TBXAS1: variants seen among roughly 807,000 people sequenced by gnomAD.
TBXAS1 encodes thromboxane-A synthase.
In TBXAS1, 48 loss-of-function variants were observed where a neutral mutation model predicts 60.7. The ratio of observed to expected loss-of-function variants is 0.79; its 90% CI spans 0.63 to 1.01. The LOEUF is 1.01. Ranked by LOEUF, TBXAS1 falls within the 50% of genes least tolerant of loss-of-function variation. The pLI is 0.00. For synonymous variants in TBXAS1, 287 were observed against 269.7 expected, an observed-to-expected ratio of 1.06 and a Z score of -0.63; for missense variants, 685 against 686.3, an observed-to-expected ratio of 1.00 and a Z score of 0.02.
At chr7:139,854,600 A>G (rs901749696) in intron 1 of TBXAS1, among the ~76,000 whole-genome samples, 2 of 152,196 alleles carry the variant, frequency 1.3e-5, no homozygotes, top group Admixed American at 1.3e-4. Flanking sequence ...GACCTGATAT[A>G]GGGCAGTGCC....
At chr7:139,789,041 T>A (rs1167257088) in intron 4 of TBXAS1, among the ~76,000 whole-genome samples, 2 of 152,174 alleles carry the variant, frequency 1.3e-5, no homozygotes. Flanking sequence ...TAACCCTTTC[T>A]CCAATTCTGT....
chr7:139,848,725 C>A (rs1023009499), intron 1 of TBXAS1, among the ~76,000 whole-genome samples: 2 of 152,176 alleles, frequency 1.3e-5, no homozygotes, highest in African/African-American at 4.8e-5. Context: ...ATAATTTCTG[C>A]CCACATTCTA....
rs890681890 is a variant in TBXAS1 at position 140,004,039 on chromosome 7, T to C, written c.1135-3052T>C. ...TTTCTTGAGGCCAACTGCTGTTTTC[T>C]GCTCATTAATCCACAAGGCCGAATG... On this transcript the variant is annotated intron_variant, in intron 9 of 12. Transcript: ENST00000448866. The surrounding 1 kb of genome is among the most constrained non-coding windows in gnomAD (Gnocchi z 5.1). 6.6e-6 allele frequency among the ~76,000 whole-genome samples: 1 copy of C among 152,244 alleles called. No individual in the cohort carries two copies. The highest frequency in any genetic ancestry group is 1.5e-5 in the Non-Finnish European group (1 of 68,040).
At chr7:139,903,385 G>C (rs1030043836) in intron 3 of TBXAS1, among the ~76,000 whole-genome samples, 4 of 152,076 alleles carry the variant, frequency 2.6e-5, no homozygotes, top group African/African-American at 9.7e-5. Flanking sequence ...TTGCAATCGT[G>C]AGTTGTGCTG....
At chr7:139,938,145 C>A (rs573267973) in intron 5 of TBXAS1, among the ~76,000 whole-genome samples, 1 of 152,120 alleles carries the variant, frequency 6.6e-6, no homozygotes, top group African/African-American at 2.4e-5. Flanking sequence ...CAGATGCCAT[C>A]GGGGCTGGCC....
At chr7:139,799,222 T>C (rs958561248) in intron 4 of TBXAS1, among the ~76,000 whole-genome samples, 2 of 141,912 alleles carry the variant, frequency 1.4e-5, no homozygotes, top group Non-Finnish European at 3.0e-5. Flanking sequence ...GTGCACGCCA[T>C]CAAGCCCAGC....
intron 3 of TBXAS1, among the ~76,000 whole-genome samples, chr7:139,906,699 G>A (rs1040365147): frequency 2.6e-5 from 4 of 152,146 alleles, no homozygotes; most frequent in African/African-American, 9.7e-5. Flanking sequence ...AAACTGATAT[G>A]CCAGTTTTGG....
intron 1 of TBXAS1, 106 bp downstream of exon 1, chr7:139,829,585 A>G (rs1276528213): frequency 1.9e-6 from 2 of 1,052,162 alleles, no homozygotes; most frequent in Non-Finnish European, 2.9e-6. Context: ...CTTCTTTTCT[A>G]ATCTAGCGGG....
intron 9 of TBXAS1, among the ~76,000 whole-genome samples, chr7:139,985,046 C>G (rs1033599314): frequency 1.3e-5 from 2 of 152,220 alleles, no homozygotes; most frequent in African/African-American, 4.8e-5. Context: ...CTCAAATGCC[C>G]TCCCCAGGAT....
At chr7:140,003,910 G>A (rs892219646) in intron 9 of TBXAS1, among the ~76,000 whole-genome samples, 2 of 152,206 alleles carry the variant, frequency 1.3e-5, no homozygotes, top group Non-Finnish European at 2.9e-5. Flanking sequence ...AGGGTTACCT[G>A]CCAGGAGCAG....
intron 9 of TBXAS1, among the ~76,000 whole-genome samples, chr7:139,996,553 G>A (rs956529138): frequency 6.6e-6 from 1 of 152,230 alleles, no homozygotes; most frequent in South Asian, 2.1e-4. Flanking sequence ...CCTTCCCCTG[G>A]AAGATGCTGC....
intron 1 of TBXAS1, among the ~76,000 whole-genome samples, chr7:139,832,328 G>C (rs1225456717): frequency 2.0e-5 from 3 of 152,002 alleles, no homozygotes; most frequent in Non-Finnish European, 4.4e-5. Context: ...GCTCTGGAAA[G>C]TCTCAGCAAT....
At chr7:139,972,919 C>A (rs537754923) in intron 9 of TBXAS1, among the ~76,000 whole-genome samples, 137 of 152,082 alleles carry the variant, frequency 9.0e-4, no homozygotes, top group Non-Finnish European at 1.7e-3. Context: ...AACTGGAAAC[C>A]AACTCCAAGC....
chr7:139,824,871 C>A, upstream of TBXAS1, among the ~76,000 whole-genome samples: 1 of 137,796 alleles, frequency 7.3e-6, no homozygotes. Context: ...GCCGTATCAT[C>A]CAGGCTGAAG....
At chr7:139,943,205 ACGT>A (rs1472242017) in intron 5 of TBXAS1, among the ~76,000 whole-genome samples, 1 of 152,242 alleles carries the variant, frequency 6.6e-6, no homozygotes, top group Non-Finnish European at 1.5e-5. Context: ...ATAAAAATGA[ACGT>A]CATTATAACC....
At chr7:139,986,389 A>T (rs557008299) in intron 9 of TBXAS1, among the ~76,000 whole-genome samples, 1 of 152,246 alleles carries the variant, frequency 6.6e-6, no homozygotes, top group African/African-American at 2.4e-5. Flanking sequence ...TCCATAGATT[A>T]TTGGGGAACA....
At chr7:139,995,560 C>T (rs991795035) in intron 9 of TBXAS1, among the ~76,000 whole-genome samples, 2 of 152,152 alleles carry the variant, frequency 1.3e-5, no homozygotes, top group Non-Finnish European at 2.9e-5. Context: ...GTGTGGCTCT[C>T]CTGTTGATGA....
At chr7:139,932,214 T>G (rs937019247) in intron 4 of TBXAS1, among the ~76,000 whole-genome samples, 1 of 150,216 alleles carries the variant, frequency 6.7e-6, no homozygotes, top group Non-Finnish European at 1.5e-5. Context: ...TTATGTTACA[T>G]GTATTTTGCC....
At chr7:139,851,684 A>T (rs1440939563) in intron 1 of TBXAS1, among the ~76,000 whole-genome samples, 10 of 152,230 alleles carry the variant, frequency 6.6e-5, no homozygotes, top group Non-Finnish European at 1.3e-4. Context: ...TCAAAGGAGG[A>T]AATAGCTTAC....
Sources: gnomAD v4.1 joint callset for allele counts (sites outside exome capture counted in the v4.1 genomes callset) on GRCh38, gnomAD v4.1.1 for gene constraint, Gnocchi (gnomAD v3.1) non-coding constraint, MANE v1.5 for transcripts, NCBI Gene and HGNC (gene_info 2026-07-23, HGNC 2026-07-21) for gene names.